Variants in FAM3B observed in about 807,000 individuals in gnomAD.
FAM3B encodes FAM3 metabolism regulating signaling molecule B, also known as protein FAM3B.
Under a neutral mutation model 28.4 loss-of-function variants are expected in FAM3B, and 29 were observed. The observed-to-expected ratio is 1.02, with a 90% confidence interval of 0.76 to 1.39. FAM3B has a LOEUF of 1.39. FAM3B is among the 40% of genes most tolerant of loss of function. The probability of loss-of-function intolerance (pLI) is 0.00; values close to 1 mark genes in which losing one functional copy is unlikely to be tolerated. For missense variants in FAM3B, 266 were observed against 293.9 expected (o/e 0.91, Z 0.69); for synonymous variants, 91 against 103.0 (o/e 0.88, Z 0.71).
intron 5 of FAM3B, 118 bp from the exon 6 acceptor site, chr21:41,346,895 T>C: frequency 1.1e-6 from 1 of 882,140 alleles, no homozygotes; most frequent in South Asian, 1.4e-5. Flanking sequence ...CAGCGAGCGC[T>C]GGGACCCCCA....
chr21:41,314,518 A>T (rs547870651), upstream of FAM3B, among the ~76,000 whole-genome samples: 11 of 152,370 alleles, frequency 7.2e-5, no homozygotes, highest in South Asian at 2.1e-4. Flanking sequence ...AAATATTTTT[A>T]AAAACAGTAG....
In FAM3B at chr21:41,357,166, T is replaced by C. The variant is rs771223202; in HGVS notation, c.677T>C (p.Ile226Thr). ...TCTGGCTGGCCTGCAGAGATCCAGATAGAAGGCTGCATACCCAAAGAACGA... is the reference window on the plus strand; with the variant it reads ...TCTGGCTGGCCTGCAGAGATCCAGACAGAAGGCTGCATACCCAAAGAACGA... ...RYSGWPAEIQ[I>T]EGCIPKERS The change falls in exon 8 of 8, where the codon ATA (isoleucine) becomes ACA (threonine). Residue 226 changes from isoleucine (I) to threonine (T), a missense_variant. Coordinates refer to ENST00000357985, the MANE Select transcript of FAM3B (RefSeq NM_058186.4). The C allele has an allele frequency of 3.1e-6, 5 of 1,613,714 alleles. No individual in the cohort carries two copies. The Admixed American group carries it at 6.7e-5, about 22-fold the overall frequency.
chr21:41,339,937 CATGGCTGAGCCCAAGTACT>C (rs2088989509), intron 3 of FAM3B, among the ~76,000 whole-genome samples: 1 of 152,104 alleles, frequency 6.6e-6, no homozygotes, highest in African/African-American at 2.4e-5. Context: ...ATGCTGGTAA[CATGGCTGAGCCCAAGTACT>C]AAAGCCTCAG....
intron 2 of FAM3B, among the ~76,000 whole-genome samples, chr21:41,328,571 G>A (rs971201424): frequency 1.3e-5 from 2 of 152,020 alleles, no homozygotes; most frequent in Admixed American, 6.5e-5. Context: ...TCAAACTCCT[G>A]ACCTCAGGAG....
rs1164194320 is a variant in FAM3B at position 41,348,773 on chromosome 21, T to C, written c.618+49T>C. The C allele has an allele frequency of 1.9e-6, 3 of 1,608,684 alleles. No individual in the cohort carries two copies. In the Admixed American group the frequency reaches 5.0e-5, roughly 27 times the overall value. On this transcript the variant is annotated intron_variant, in intron 7 of 7. Coordinates refer to ENST00000357985, the MANE Select transcript of FAM3B (RefSeq NM_058186.4). The stretch of plus-strand genomic sequence containing the variant: ...TCCCACCAATGGTGAGTATAGTAAA[T>C]GCTGTGCCTTGAAAACGTTCCTGGT...
intron 6 of FAM3B, among the ~76,000 whole-genome samples, chr21:41,347,500 A>C (rs1472626202): frequency 6.6e-6 from 1 of 152,174 alleles, no homozygotes; most frequent in African/African-American, 2.4e-5. Context: ...TCACACCTGT[A>C]ATCCTAGCAC....
In FAM3B at chr21:41,357,663, A is replaced by G. The variant is rs1346244860; in HGVS notation, c.*466A>G. Among the ~76,000 whole-genome samples the G allele has an allele frequency of 2.0e-5, 3 of 152,272 alleles. No homozygotes were observed. Among genetic ancestry groups the G allele is most frequent in the South Asian group, 4.1e-4 (2 of 4,824 alleles). On this transcript the variant is annotated 3_prime_UTR_variant, in exon 8 of 8. Coordinates refer to ENST00000357985, the MANE Select transcript of FAM3B (RefSeq NM_058186.4). The stretch of plus-strand genomic sequence containing the variant: ...TTATGTTATGTCCTTGTTCAACTCA[A>G]CTTGAGCTCTTGAACTCCTCCTGTG...
At chr21:41,340,962 G>GTA (rs963382596) in intron 3 of FAM3B, among the ~76,000 whole-genome samples, 2 of 151,582 alleles carry the variant, frequency 1.3e-5, no homozygotes, top group Admixed American at 6.6e-5. Flanking sequence ...TTATATACAG[G>GTA]TATATATATG....
chr21:41,349,902 A>G (rs901984122), intron 7 of FAM3B, among the ~76,000 whole-genome samples: 3 of 152,230 alleles, frequency 2.0e-5, no homozygotes, highest in Non-Finnish European at 4.4e-5. Flanking sequence ...CAGAACGTGT[A>G]GGGAATGTTT....
intron 7 of FAM3B, among the ~76,000 whole-genome samples, chr21:41,350,993 A>G (rs1231260102): frequency 6.6e-6 from 1 of 152,112 alleles, no homozygotes; most frequent in African/African-American, 2.4e-5. Flanking sequence ...CCCCCCATGC[A>G]CACGAGCGTC....
chr21:41,327,081 A>G (rs1464484342), intron 2 of FAM3B, among the ~76,000 whole-genome samples: 1 of 152,244 alleles, frequency 6.6e-6, no homozygotes, highest in Non-Finnish European at 1.5e-5. Context: ...GTGGCCCTTC[A>G]GCCTCCCAGG....
chr21:41,354,823 C>T (rs192433357), intron 7 of FAM3B, among the ~76,000 whole-genome samples: 2 of 115,712 alleles, frequency 1.7e-5, no homozygotes, highest in African/African-American at 7.1e-5. Context: ...ACATCCTGCA[C>T]GTGTACCCCG....
chr21:41,346,707 CTT>C (rs756605007), intron 5 of FAM3B, among the ~76,000 whole-genome samples: 2 of 152,134 alleles, frequency 1.3e-5, no homozygotes, highest in East Asian at 1.9e-4. Context: ...CTCCACTTCT[CTT>C]GTTTGTTGGT....
chr21:41,322,623 AT>A (rs1229442417), intron 1 of FAM3B: 5 of 717,458 alleles, frequency 7.0e-6, no homozygotes, highest in Admixed American at 2.0e-5. Context: ...AAGGTGCTTG[AT>A]TAGCTGCTTT....
At chr21:41,323,663 A>C (rs978044531) in intron 2 of FAM3B, among the ~76,000 whole-genome samples, 9 of 152,218 alleles carry the variant, frequency 5.9e-5, no homozygotes, top group African/African-American at 1.9e-4. Flanking sequence ...CAAGCCCACG[A>C]GGTCCCTGCC....
intron 2 of FAM3B, among the ~76,000 whole-genome samples, chr21:41,335,475 T>A (rs1707205831): frequency 6.6e-6 from 1 of 152,174 alleles, no homozygotes; most frequent in South Asian, 2.1e-4. Context: ...GACGTGGTTG[T>A]TTAAAAGTGT....
intron 3 of FAM3B, among the ~76,000 whole-genome samples, chr21:41,340,186 A>T (rs1343903105): frequency 7.2e-6 from 1 of 138,356 alleles, no homozygotes; most frequent in Non-Finnish European, 1.5e-5. Context: ...ACAGAGTCTC[A>T]CTCTGTCACC....
chr21:41,344,423 C>A (rs1449961521), intron 3 of FAM3B, 53 bp from the exon 4 acceptor site: 1 of 1,531,072 alleles, frequency 6.5e-7, no homozygotes, highest in African/African-American at 1.4e-5. Flanking sequence ...CTTCGCGGAG[C>A]GGGGAGAGTC....
intron 7 of FAM3B, among the ~76,000 whole-genome samples, chr21:41,349,927 C>T (rs1269188887): frequency 2.6e-5 from 4 of 151,988 alleles, no homozygotes; most frequent in African/African-American, 9.7e-5. Flanking sequence ...GGGCCCTGGC[C>T]TCGACCCCTC....
Sources: allele counts gnomAD v4.1 joint callset (sites outside exome capture counted in the v4.1 genomes callset), GRCh38; gene constraint gnomAD v4.1.1; transcripts MANE v1.5; gene names NCBI Gene and HGNC (gene_info 2026-07-23, HGNC 2026-07-21).